MMP16: variants seen among roughly 807,000 people sequenced by gnomAD.
MMP16 encodes the protein matrix metallopeptidase 16, also known as matrix metalloproteinase-16.
Under a neutral mutation model 67.8 loss-of-function variants are expected in MMP16, and 12 were observed. That is an observed-to-expected ratio of 0.18 (90% CI 0.11 to 0.29). MMP16 has a LOEUF of 0.29. Ranked by LOEUF, MMP16 falls within the 10% of genes least tolerant of loss-of-function variation. The probability of loss-of-function intolerance (pLI) is 1.00; values close to 1 mark genes in which losing one functional copy is unlikely to be tolerated. For missense variants in MMP16, 475 were observed against 765.7 expected (o/e 0.62, Z 4.48); for synonymous variants, 249 against 255.9 (o/e 0.97, Z 0.26).
chr8:88,128,634 C>A (rs752682491), intron 4 of MMP16, among the ~76,000 whole-genome samples: 5 of 151,720 alleles, frequency 3.3e-5, no homozygotes, highest in African/African-American at 4.8e-5. Context: ...AATCATCAAG[C>A]AAGATAGAGT....
rs138089158 is a variant in MMP16 at position 88,249,405 on chromosome 8, C to G, written c.133-52099G>C. On this transcript the variant is annotated intron_variant, in intron 1 of 9. Coordinates refer to ENST00000286614, the MANE Select transcript of MMP16 (RefSeq NM_005941.5). Reference sequence around the variant, plus strand: ...AGGCCTCATAAATGGTGAAAGGAAGCAGGGTAATGGTTCAAGCAAAGAGCA... The same window carrying G: ...AGGCCTCATAAATGGTGAAAGGAAGGAGGGTAATGGTTCAAGCAAAGAGCA... 5.0e-3 allele frequency among the ~76,000 whole-genome samples: 757 copies of G among 152,138 alleles called. 6 individuals carry two copies. The highest frequency in any genetic ancestry group is 7.2e-3 in the Non-Finnish European group (489 of 67,996).
intron 1 of MMP16, among the ~76,000 whole-genome samples, chr8:88,293,278 T>C (rs1810954822): frequency 6.6e-6 from 1 of 152,148 alleles, no homozygotes; most frequent in South Asian, 2.1e-4. Flanking sequence ...TTATTACCTA[T>C]TTAGCTGAGA....
chr8:88,116,660 G>A lies in MMP16; in HGVS notation c.930C>T (p.Arg310=), dbSNP rs1175569808. 1.2e-6 allele frequency: 2 copies of A among 1,613,864 alleles called. No individual in the cohort carries two copies. The highest frequency in any genetic ancestry group is 1.7e-6 in the Non-Finnish European group (2 of 1,179,888). ...TCCTTGGGTCAGCCGGAGGAATAGA[G>A]CGGTGTGGGGGCACTGTCGGTAGAG... ...TRPLPTVPPH[R]SIPPADPRKN... Residue 310 remains arginine, a synonymous_variant, in exon 6 of 10, where the codon CGC becomes CGT. Coordinates refer to ENST00000286614, the MANE Select transcript of MMP16 (RefSeq NM_005941.5).
intron 6 of MMP16, among the ~76,000 whole-genome samples, chr8:88,088,018 TC>T (rs1206014983): frequency 3.1e-5 from 3 of 97,398 alleles, no homozygotes; most frequent in Non-Finnish European, 6.4e-5. Context: ...AGAATGTGTA[TC>T]TATATTATAT....
intron 7 of MMP16, among the ~76,000 whole-genome samples, chr8:88,070,939 T>C (rs566549733): frequency 1.3e-5 from 2 of 152,296 alleles, no homozygotes; most frequent in African/African-American, 2.4e-5. Flanking sequence ...TGCACTATTA[T>C]GTAATATATT....
chr8:88,127,722 C>G lies in MMP16; in HGVS notation c.710-8861G>C, dbSNP rs1310103572. Among the ~76,000 whole-genome samples, 4 of 151,734 alleles carry G rather than the reference C, an allele frequency of 2.6e-5. No individual in the cohort carries two copies. The South Asian group carries it at 6.2e-4, about 24-fold the overall frequency. ...TATTTCACATTATTTTCACATAGTA[C>G]CTTACATTGGCTTTTCTCTGCAAAT... On this transcript the variant is annotated intron_variant, in intron 4 of 9. Transcript: ENST00000286614.
intron 1 of MMP16, among the ~76,000 whole-genome samples, chr8:88,236,059 C>CT (rs879459073): frequency 6.6e-6 from 1 of 152,144 alleles, no homozygotes; most frequent in Admixed American, 6.5e-5. Context: ...AAACCACCAA[C>CT]TTTTTAAGTC....
intron 1 of MMP16, among the ~76,000 whole-genome samples, chr8:88,256,701 CA>C (rs1810307660): frequency 6.6e-6 from 1 of 151,708 alleles, no homozygotes; most frequent in African/African-American, 2.4e-5. Context: ...CACACACACA[CA>C]CCCCACACAC....
At chr8:88,317,867 G>T (rs1811398544) in intron 1 of MMP16, among the ~76,000 whole-genome samples, 1 of 152,042 alleles carries the variant, frequency 6.6e-6, no homozygotes, top group Non-Finnish European at 1.5e-5. Flanking sequence ...CAGCCAACAG[G>T]CCTATTCTCA....
intron 3 of MMP16, 97 bp downstream of exon 3, chr8:88,186,379 A>G: frequency 6.8e-7 from 1 of 1,473,096 alleles, no homozygotes; most frequent in Non-Finnish European, 9.4e-7. Flanking sequence ...CCTATATATT[A>G]ACATGTAGTC....
chr8:88,252,287 T>G (rs1810237513), intron 1 of MMP16, among the ~76,000 whole-genome samples: 1 of 152,134 alleles, frequency 6.6e-6, no homozygotes, highest in Non-Finnish European at 1.5e-5. Context: ...GCTGCAGTCT[T>G]CCCTAGGGTA....
chr8:88,179,797 A>C (rs1808949486), intron 3 of MMP16, among the ~76,000 whole-genome samples: 1 of 152,172 alleles, frequency 6.6e-6, no homozygotes, highest in Non-Finnish European at 1.5e-5. Context: ...CAAGGTCACC[A>C]CTTAAAAATA....
At chr8:88,070,706 C>T (rs531903092) in intron 7 of MMP16, among the ~76,000 whole-genome samples, 111 of 152,148 alleles carry the variant, frequency 7.3e-4, no homozygotes, top group African/African-American at 2.5e-3. Flanking sequence ...TACGTTGTGC[C>T]GCAGCCTGTA....
intron 4 of MMP16, among the ~76,000 whole-genome samples, chr8:88,140,769 A>G (rs1191583770): frequency 1.3e-5 from 2 of 152,182 alleles, no homozygotes; most frequent in African/African-American, 4.8e-5. Flanking sequence ...ACAAGAATTC[A>G]GAAAACCAAT....
intron 8 of MMP16, among the ~76,000 whole-genome samples, chr8:88,049,990 A>C (rs985798087): frequency 1.3e-5 from 2 of 152,096 alleles, no homozygotes; most frequent in African/African-American, 4.8e-5. Flanking sequence ...GTGCCACTGC[A>C]CTCCAGCAAG....
chr8:88,324,589 TG>T, intron 1 of MMP16, among the ~76,000 whole-genome samples: 1 of 152,296 alleles, frequency 6.6e-6, no homozygotes, highest in Middle Eastern at 3.4e-3. Flanking sequence ...ATGAGCTTCA[TG>T]CATGACTGAT....
At chr8:88,042,583 T>C (rs1027563992) in intron 9 of MMP16, among the ~76,000 whole-genome samples, 6 of 152,216 alleles carry the variant, frequency 3.9e-5, no homozygotes, top group African/African-American at 9.6e-5. Context: ...AAAGCCATTA[T>C]TCATTATTTT....
intron 1 of MMP16, among the ~76,000 whole-genome samples, chr8:88,286,364 G>T (rs1810832039): frequency 6.6e-6 from 1 of 151,692 alleles, no homozygotes. Flanking sequence ...GATTATTTTG[G>T]ACTCACATGT....
At chr8:88,281,141 C>G (rs1191867341) in intron 1 of MMP16, among the ~76,000 whole-genome samples, 2 of 152,146 alleles carry the variant, frequency 1.3e-5, no homozygotes, top group Non-Finnish European at 2.9e-5. Flanking sequence ...CTCACTTCTT[C>G]TGGTTATCAA....
Sources: gnomAD v4.1 joint callset for allele counts (sites outside exome capture counted in the v4.1 genomes callset) on GRCh38, gnomAD v4.1.1 for gene constraint, MANE v1.5 for transcripts, NCBI Gene and HGNC (gene_info 2026-07-23, HGNC 2026-07-21) for gene names.